Variants in TLN1 observed in about 807,000 individuals in gnomAD.
TLN1 encodes talin 1.
TLN1 carries 56 observed loss-of-function variants against 292.3 expected under a neutral mutation model. The observed-to-expected ratio is 0.19, with a 90% CI of 0.15 to 0.24. The LOEUF (loss-of-function observed/expected upper bound fraction) is 0.24, where lower values mean the gene tolerates loss of function less well. Among genes scored for constraint, TLN1 ranks in the 10% least tolerant of loss-of-function variants. The pLI is 1.00. For missense variants in TLN1, 2,433 were observed against 3,248.2 expected, an observed-to-expected ratio of 0.75 and a Z score of 6.10; for synonymous variants, 1,119 against 1,253.7, an observed-to-expected ratio of 0.89 and a Z score of 2.27.
chr9:35,710,436 C>A, intron 33 of TLN1, 125 bp downstream of exon 33: 1 of 1,391,572 alleles, frequency 7.2e-7, no homozygotes, highest in South Asian at 1.4e-5. Flanking sequence ...GGAGGACAAC[C>A]CAGATTCCAT....
rs562445496 is a variant in TLN1 at position 35,722,361 on chromosome 9, G to A, written c.844-138C>T. On this transcript the variant is annotated intron_variant, in intron 8 of 56. Transcript: ENST00000314888. ...GGAGTACAAGATATGAGAACGAGAG[G>A]GTAACGGGATGGAGGCTGATAAGGG... 16 of 751,426 alleles carry A rather than the reference G, an allele frequency of 2.1e-5. No individual in the cohort carries two copies. The South Asian group carries it at 2.5e-4, about 12-fold the overall frequency. The allele number at this position is 751,426 out of a possible 1,614,324, so 46.5% of individuals were successfully genotyped here.
chr9:35,731,092 C>T (rs945037016), intron 1 of TLN1, among the ~76,000 whole-genome samples: 4 of 152,174 alleles, frequency 2.6e-5, no homozygotes, highest in Non-Finnish European at 5.9e-5. Flanking sequence ...GCCTGCAATT[C>T]TAGCTAAAGC....
chr9:35,698,262 C>G lies in TLN1; in HGVS notation c.7371+61G>C. On this transcript the variant is annotated intron_variant, in intron 55 of 56. Transcript: ENST00000314888. The surrounding 1 kb of genome is among the most constrained non-coding windows in gnomAD (Gnocchi z 5.3). The stretch of plus-strand genomic sequence containing the variant: ...AATTCTCTCATAGAAACATACATCT[C>G]GGGAGTGACAGTTTGAAGCAGTATA... 23 of 1,608,208 alleles carry G rather than the reference C, an allele frequency of 1.4e-5. No individual in the cohort carries two copies. Among genetic ancestry groups the G allele is most frequent in the Non-Finnish European group, 2.0e-5 (23 of 1,175,736 alleles).
In TLN1 at chr9:35,700,252, T is replaced by C. The variant is rs1825441240; in HGVS notation, c.6599A>G (p.Asp2200Gly). ...VAAGNSCRQE[D>G]VIATANLSRR... ...GCTCAGATTGGCTGTGGCAATGACA[T>C]CTTCCTGGCGACAGGAATTGCCAGC... The change falls in exon 49 of 57, where the codon GAT becomes GGT. Residue 2200 changes from aspartate (D) to glycine (G), a missense_variant. Asp to Gly is a moderately conservative substitution (Grantham distance 94, BLOSUM62 -1). This residue lies in a region of TLN1 where 1,384 missense variants were observed against 1,699.6 expected (regional missense o/e 0.81). Coordinates refer to ENST00000314888, the MANE Select transcript of TLN1 (RefSeq NM_006289.4). The C allele has an allele frequency of 6.2e-7, 1 of 1,613,288 alleles. No homozygotes were observed. Among genetic ancestry groups the C allele is most frequent in the African/African-American group, 1.3e-5 (1 of 74,942 alleles).
At chr9:35,703,256 C>T (rs772542723) in intron 48 of TLN1, among the ~76,000 whole-genome samples, 6 of 152,136 alleles carry the variant, frequency 3.9e-5, no homozygotes, top group Non-Finnish European at 5.9e-5. Context: ...GAGATCACGC[C>T]ACTGCACTCC....
chr9:35,715,551 A>G (rs1419392817), intron 20 of TLN1, among the ~76,000 whole-genome samples: 1 of 152,208 alleles, frequency 6.6e-6, no homozygotes, highest in Non-Finnish European at 1.5e-5. Flanking sequence ...ACTCCTGCCA[A>G]CTGAAAAGCC....
intron 1 of TLN1, among the ~76,000 whole-genome samples, chr9:35,726,805 G>A (rs538797811): frequency 4.9e-4 from 74 of 152,312 alleles, no homozygotes; most frequent in African/African-American, 1.6e-3. Flanking sequence ...TTTGGAGAAG[G>A]GGAAATAGAC....
In TLN1 at chr9:35,697,839, C is replaced by T; in HGVS notation, c.7578G>A (p.Arg2526=). 1 of 1,614,182 alleles carries T rather than the reference C, an allele frequency of 6.2e-7. No individual in the cohort carries two copies. ...AAGGCAGAAACTTGTACTGCTGCTGCCGGATCTGGGCCAGTTTCTTCCGCG... is the reference window on the plus strand; with the variant it reads ...AAGGCAGAAACTTGTACTGCTGCTGTCGGATCTGGGCCAGTTTCTTCCGCG... ...EEARKKLAQI[R]QQQYKFLPSE... is the part of the protein sequence containing the mutation. Residue 2526 remains arginine (R), a synonymous_variant, in exon 57 of 57, where the codon CGG becomes CGA. Coordinates refer to ENST00000314888, the MANE Select transcript of TLN1 (RefSeq NM_006289.4).
At position 35,698,918 on chromosome 9, in the gene TLN1, A is replaced by G. The variant is rs1433454168; in HGVS notation, c.7015T>C (p.Leu2339=). The change falls in exon 53 of 57, where the codon TTG becomes CTG. Residue 2339 remains leucine (L), a synonymous_variant. Transcript: ENST00000314888. This position sits in a 1 kb window ranked among gnomAD's most constrained non-coding sequence, Gnocchi z 5.3. ...RAKPKEADES[L]NFEEQILEAA... ...TCTAGTATCTGCTCCTCAAAGTTCA[A>G]GGACTCATCTGCCTCCTGCAATAAG... 10 of 1,613,908 alleles carry G rather than the reference A, an allele frequency of 6.2e-6. No homozygotes were observed. Among genetic ancestry groups the G allele is most frequent in the Non-Finnish European group, 8.5e-6 (10 of 1,179,918 alleles).
At chr9:35,702,328 A>G (rs2131882109) in intron 48 of TLN1, among the ~76,000 whole-genome samples, 3 of 152,346 alleles carry the variant, frequency 2.0e-5, no homozygotes, top group Admixed American at 2.0e-4. Flanking sequence ...CAGAATAATA[A>G]TGAAAGTGGT....
intron 48 of TLN1, 31 bp from the exon 49 acceptor site, chr9:35,700,407 A>G: frequency 6.3e-7 from 1 of 1,583,370 alleles, no homozygotes; most frequent in Non-Finnish European, 8.6e-7. Flanking sequence ...GAAAGATTTT[A>G]CAGTGGCTGA....
In TLN1 at chr9:35,711,243, G is replaced by T; in HGVS notation, c.4019+12C>A. 6.2e-7 allele frequency: 1 copy of T among 1,614,020 alleles called. No homozygotes were observed. The highest frequency in any genetic ancestry group is 8.5e-7 in the Non-Finnish European group (1 of 1,180,034). Reference sequence around the variant, plus strand: ...ACACAGTCCAGGGCTGGGCTTCTCAGCAACTACTTACCTGGCAGCTGCAGC... The same window carrying T: ...ACACAGTCCAGGGCTGGGCTTCTCATCAACTACTTACCTGGCAGCTGCAGC... On this transcript the variant is annotated intron_variant, in intron 30 of 56. Coordinates refer to ENST00000314888, the MANE Select transcript of TLN1 (RefSeq NM_006289.4).
rs777328450 is a variant in TLN1 at position 35,707,936 on chromosome 9, G to A, written c.4471-44C>T. ...GAGCCACGATGAGGGCAGGAAGGAG[G>A]TGTACATACCCAAGGAGGAGCCATT... is the stretch of plus-strand genomic sequence containing the variant. On this transcript the variant is annotated intron_variant, in intron 34 of 56. Transcript: ENST00000314888. The surrounding 1 kb of genome is among the most constrained non-coding windows in gnomAD (Gnocchi z 5.6). 3 of 1,605,976 alleles carry A rather than the reference G, an allele frequency of 1.9e-6. No homozygotes were observed. In the South Asian group the frequency reaches 3.3e-5, roughly 18 times the overall value.
rs142889945 is a variant in TLN1 at position 35,706,968 on chromosome 9, T to G, written c.4956-68A>C. On this transcript the variant is annotated intron_variant, in intron 37 of 56. Coordinates refer to ENST00000314888, the MANE Select transcript of TLN1 (RefSeq NM_006289.4). The surrounding 1 kb of genome is among the most constrained non-coding windows in gnomAD (Gnocchi z 4.2). The stretch of plus-strand genomic sequence containing the variant: ...CTGCAAGGCCAGCCTATCCTTCCCC[T>G]GTATCCTCCCAACACCATCCCATCT... 2.5e-6 allele frequency: 4 copies of G among 1,608,730 alleles called. No individual in the cohort carries two copies. The highest frequency in any genetic ancestry group is 2.5e-6 in the Non-Finnish European group (3 of 1,177,736).
At position 35,707,871 on chromosome 9, in the gene TLN1, C is replaced by T; in HGVS notation, c.4492G>A (p.Val1498Met). ...CACAGTGCAGAGGTGTGTTTAGCCA[C>T]AATGGTGGCTGCAGAGAGCACCTGA... Reference protein sequence around the residue: ...QAQVLSAATIVAKHTSALCNS... With the variant: ...QAQVLSAATIMAKHTSALCNS... Residue 1498 changes from valine (V) to methionine (M), a missense_variant, in exon 35 of 57, where the codon GTG becomes ATG. Around this residue, in one of 7 missense-constraint regions of TLN1, gnomAD observed 1,384 missense variants for 1,699.6 expected, o/e 0.81. Coordinates refer to ENST00000314888, the MANE Select transcript of TLN1 (RefSeq NM_006289.4). This position sits in a 1 kb window ranked among gnomAD's most constrained non-coding sequence, Gnocchi z 5.6. 6.2e-6 allele frequency: 10 copies of T among 1,613,990 alleles called. No homozygotes were observed. The highest frequency in any genetic ancestry group is 8.5e-6 in the Non-Finnish European group (10 of 1,179,974).
intron 34 of TLN1, 136 bp downstream of exon 34, chr9:35,708,205 A>T: frequency 8.9e-7 from 1 of 1,122,350 alleles, no homozygotes; most frequent in Non-Finnish European, 1.2e-6. Flanking sequence ...AAAGACAGTT[A>T]CCCAAAAAGA....
In TLN1 at chr9:35,703,577, T is replaced by C. The variant is rs370983784; in HGVS notation, c.6457A>G (p.Ile2153Val). 1 of 1,614,206 alleles carries C rather than the reference T, an allele frequency of 6.2e-7. No individual in the cohort carries two copies. Among genetic ancestry groups the C allele is most frequent in the Non-Finnish European group, 8.5e-7 (1 of 1,180,032 alleles). Residue 2153 changes from isoleucine to valine, a missense_variant, in exon 48 of 57, where the codon ATA becomes GTA. Ile to Val is a conservative substitution (Grantham distance 29). This residue lies in a region of TLN1 where 1,384 missense variants were observed against 1,699.6 expected (regional missense o/e 0.81). Coordinates refer to ENST00000314888, the MANE Select transcript of TLN1 (RefSeq NM_006289.4). Reference protein sequence around the residue: ...TRALEATTEHIRQELAVFCSP... With the variant: ...TRALEATTEHVRQELAVFCSP... The stretch of plus-strand genomic sequence containing the variant: ...TCACTCACCGCCAGCTCCTGCCGTA[T>C]GTGTTCTGTGGTTGCCTCCAGGGCC...
chr9:35,725,874 T>G, intron 1 of TLN1, 147 bp from the exon 2 acceptor site: 1 of 667,388 alleles, frequency 1.5e-6, no homozygotes, highest in Non-Finnish European at 2.3e-6. Context: ...TTTAATAATT[T>G]TAAAGAGTGA....
intron 11 of TLN1, 142 bp downstream of exon 11, chr9:35,720,670 G>A: frequency 1.0e-6 from 1 of 996,424 alleles, no homozygotes; most frequent in Non-Finnish European, 1.5e-6. Flanking sequence ...CTGTCACCCA[G>A]GCTGGAGTGC....
Sources: gnomAD v4.1 joint callset for allele counts (sites outside exome capture counted in the v4.1 genomes callset) on GRCh38, gnomAD v4.1.1 for gene constraint, gnomAD v4.1.1 regional missense constraint, Gnocchi (gnomAD v3.1) non-coding constraint, MANE v1.5 for transcripts, NCBI Gene and HGNC (gene_info 2026-07-23, HGNC 2026-07-21) for gene names.